The following C1orf21 variants were observed in gnomAD, a reference collection of about 807,000 sequenced individuals.
C1orf21 encodes uncharacterized protein C1orf21.
A neutral mutation model predicts 18.7 loss-of-function variants in C1orf21; 3 were observed. The observed-to-expected ratio is 0.16, with a 90% CI of 0.07 to 0.42. The LOEUF (loss-of-function observed/expected upper bound fraction) is 0.42. C1orf21 is among the 10% of genes least tolerant of loss of function. C1orf21 has a pLI of 0.99. For synonymous variants in C1orf21, 41 were observed against 46.4 expected (o/e 0.88, Z 0.47); for missense variants, 104 against 143.6 (o/e 0.72, Z 1.41).
chr1:184,487,490 G>C (rs145017254), intron 2 of C1orf21, among the ~76,000 whole-genome samples: 1 of 152,200 alleles, frequency 6.6e-6, no homozygotes, highest in Admixed American at 6.5e-5. Context: ...TGGGACGGTG[G>C]CTACAATGGC....
Position 184,571,356 on chromosome 1 carries a change from G to A in C1orf21, c.190-19383G>A, listed in dbSNP as rs1179622799. Among the ~76,000 whole-genome samples the A allele has an allele frequency of 9.9e-5, 15 of 151,680 alleles. 1 individual carries two copies. In the South Asian group the frequency reaches 2.9e-3, roughly 30 times the overall value. ...TAAAAATACAGTATTATAATATTAC[G>A]GGACCCCTGTCATATATGCAGTTCA... On this transcript the variant is annotated intron_variant, in intron 3 of 5. Transcript: ENST00000235307.
At chr1:184,431,022 A>G (rs1209340025) in intron 1 of C1orf21, among the ~76,000 whole-genome samples, 1 of 152,116 alleles carries the variant, frequency 6.6e-6, no homozygotes, top group African/African-American at 2.4e-5. Context: ...AGTAGTATCC[A>G]TAGGTATTTT....
Position 184,603,782 on chromosome 1 carries a change from C to A in C1orf21, c.327+5321C>A, listed in dbSNP as rs1452153054. Among the ~76,000 whole-genome samples the A allele has an allele frequency of 3.9e-5, 6 of 152,144 alleles. No homozygotes were observed. The South Asian group carries it at 1.0e-3, about 26-fold the overall frequency. On this transcript the variant is annotated intron_variant, in intron 5 of 5. Coordinates refer to ENST00000235307, the MANE Select transcript of C1orf21 (RefSeq NM_030806.4). Reference sequence around the variant, plus strand: ...CTGCCCTCCAGCCTGGGCGACAGAGCAAGACTCCGTGTCAAAAAAGTAAAT... The same window carrying A: ...CTGCCCTCCAGCCTGGGCGACAGAGAAAGACTCCGTGTCAAAAAAGTAAAT...
chr1:184,545,405 C>T (rs911511225), intron 3 of C1orf21, among the ~76,000 whole-genome samples: 1 of 152,002 alleles, frequency 6.6e-6, no homozygotes, highest in Non-Finnish European at 1.5e-5. Context: ...AAAATATATA[C>T]ATGTAATCTG....
chr1:184,623,092 CTT>C lies in C1orf21; in HGVS notation c.*3538_*3539del, dbSNP rs1659950077. ...AAACAGAGATGATACCTCTTACAAACTTTACCTCATAGCCTGTGAAGCAGGTT... is the reference window on the plus strand; with the variant it reads ...AAACAGAGATGATACCTCTTACAAACTACCTCATAGCCTGTGAAGCAGGTT... On this transcript the variant is annotated 3_prime_UTR_variant, in exon 6 of 6. Transcript: ENST00000235307. 6.6e-6 allele frequency: 1 copy of C among 152,246 alleles called. No homozygotes were observed. Among genetic ancestry groups the C allele is most frequent in the African/African-American group, 2.4e-5 (1 of 41,460 alleles). 9.4% of individuals were successfully genotyped at this position (152,246 alleles called of 1,614,324 possible). A position where few individuals can be genotyped will look rare whatever the true frequency, so the allele number is the denominator to read the frequency against.
chr1:184,527,781 A>G (rs1268267170), intron 3 of C1orf21, among the ~76,000 whole-genome samples: 1 of 152,220 alleles, frequency 6.6e-6, no homozygotes, highest in East Asian at 1.9e-4. Flanking sequence ...TCCTCAGGAA[A>G]GTGTAGTTTA....
chr1:184,582,825 T>TG (rs1553257728), intron 3 of C1orf21, among the ~76,000 whole-genome samples: 2 of 152,076 alleles, frequency 1.3e-5, no homozygotes, highest in African/African-American at 4.8e-5. Context: ...GGGAATGTTT[T>TG]TTTGTTTGTT....
chr1:184,548,540 T>C (rs1049927558), intron 3 of C1orf21, among the ~76,000 whole-genome samples: 1 of 151,534 alleles, frequency 6.6e-6, no homozygotes, highest in East Asian at 1.9e-4. Context: ...TGCAGACTCC[T>C]TAGAGAAGTC....
intron 3 of C1orf21, among the ~76,000 whole-genome samples, chr1:184,517,861 A>G (rs917524262): frequency 1.3e-5 from 2 of 152,210 alleles, no homozygotes; most frequent in East Asian, 3.8e-4. Flanking sequence ...CTAACTCAGT[A>G]GTCTCTCTCC....
rs1659980882 is a variant in C1orf21, at chr1:184,624,875, A to G, written c.*5319A>G. On this transcript the variant is annotated 3_prime_UTR_variant, in exon 6 of 6. Transcript: ENST00000235307. ...GACTCATGTCTCCATAGCAACTGTT[A>G]AAGGTGCTGCCTAGACGGGACCCGC... 1 of 152,178 alleles carries G rather than the reference A, an allele frequency of 6.6e-6. No homozygotes were observed. The highest frequency in any genetic ancestry group is 2.1e-4 in the South Asian group (1 of 4,824). 9.4% of individuals were successfully genotyped at this position (152,178 alleles called of 1,614,324 possible). A position where few individuals can be genotyped will look rare whatever the true frequency, so the allele number is the denominator to read the frequency against.
intron 1 of C1orf21, among the ~76,000 whole-genome samples, chr1:184,411,236 A>G (rs1027470795): frequency 2.0e-5 from 3 of 152,072 alleles, no homozygotes; most frequent in Non-Finnish European, 1.5e-5. Context: ...CTGCAAGCCC[A>G]TTGGGGGACA....
intron 3 of C1orf21, among the ~76,000 whole-genome samples, chr1:184,588,728 C>A (rs1435391684): frequency 1.3e-5 from 2 of 151,954 alleles, no homozygotes; most frequent in Non-Finnish European, 2.9e-5. Flanking sequence ...ACAGTAAGTG[C>A]TCAGTGAGTG....
intron 3 of C1orf21, among the ~76,000 whole-genome samples, chr1:184,587,504 C>CT (rs1302800088): frequency 6.8e-6 from 1 of 146,784 alleles, no homozygotes; most frequent in Non-Finnish European, 1.5e-5. Flanking sequence ...TAGCTCCCTG[C>CT]TTAGCTGTGT....
chr1:184,544,611 C>T (rs552805096), intron 3 of C1orf21, among the ~76,000 whole-genome samples: 28 of 152,302 alleles, frequency 1.8e-4, no homozygotes, highest in African/African-American at 5.5e-4. Context: ...TCTACTGCTA[C>T]GACTTCACCA....
chr1:184,419,480 T>C (rs1045524643), intron 1 of C1orf21, among the ~76,000 whole-genome samples: 1 of 152,156 alleles, frequency 6.6e-6, no homozygotes, highest in African/African-American at 2.4e-5. Context: ...CAAATATTTA[T>C]TGAACACCTG....
intron 1 of C1orf21, among the ~76,000 whole-genome samples, chr1:184,392,855 G>A (rs1486323661): frequency 1.9e-5 from 2 of 106,584 alleles, no homozygotes; most frequent in East Asian, 3.1e-4. Flanking sequence ...TTGAGACAGG[G>A]TTTCATTCTG....
intron 1 of C1orf21, among the ~76,000 whole-genome samples, chr1:184,396,042 C>T (rs1656044813): frequency 6.6e-6 from 1 of 152,118 alleles, no homozygotes; most frequent in Non-Finnish European, 1.5e-5. Flanking sequence ...TAGGCCACTT[C>T]AAACAGAAGA....
intron 3 of C1orf21, among the ~76,000 whole-genome samples, chr1:184,586,677 C>G (rs1659358868): frequency 6.6e-6 from 1 of 152,060 alleles, no homozygotes; most frequent in South Asian, 2.1e-4. Flanking sequence ...TTGTCAAATG[C>G]ATAGTTTGCA....
At chr1:184,439,217 AAAAACC>A (rs892222572) in intron 1 of C1orf21, among the ~76,000 whole-genome samples, 4 of 152,154 alleles carry the variant, frequency 2.6e-5, no homozygotes, top group African/African-American at 9.6e-5. Flanking sequence ...TCTCAAAGAA[AAAAACC>A]AAAACCAAAA....
Sources: gnomAD v4.1 joint callset for allele counts (sites outside exome capture counted in the v4.1 genomes callset) on GRCh38, gnomAD v4.1.1 for gene constraint, MANE v1.5 for transcripts, NCBI Gene and HGNC (gene_info 2026-07-23, HGNC 2026-07-21) for gene names.